Variants in SLCO3A1 observed in about 807,000 individuals in gnomAD.
SLCO3A1 encodes solute carrier organic anion transporter family member 3A1, also known as PGE1 transporter.
Under a neutral mutation model 63.1 loss-of-function variants are expected in SLCO3A1, and 27 were observed. That is an observed-to-expected ratio of 0.43 (90% confidence interval 0.32 to 0.59). The LOEUF (loss-of-function observed/expected upper bound fraction) is 0.59, where lower values mean the gene tolerates loss of function less well. Ranked by LOEUF, SLCO3A1 falls within the 20% of genes least tolerant of loss-of-function variation. SLCO3A1 has a pLI of 0.09. For synonymous variants in SLCO3A1, 473 were observed against 409.9 expected (o/e 1.15, Z -1.86); for missense variants, 773 against 945.8 (o/e 0.82, Z 2.40).
chr15:92,110,551 G>A (rs562529744), intron 4 of SLCO3A1, among the ~76,000 whole-genome samples: 30 of 152,088 alleles, frequency 2.0e-4, no homozygotes, highest in Non-Finnish European at 3.8e-4. Context: ...CTCTGCATTC[G>A]TTCCCTCTAC....
intron 2 of SLCO3A1, among the ~76,000 whole-genome samples, chr15:92,028,609 G>A (rs1410621907): frequency 6.6e-6 from 1 of 152,068 alleles, no homozygotes; most frequent in Admixed American, 6.6e-5. Flanking sequence ...ATCCAATCAG[G>A]ATTTGGGACC....
intron 1 of SLCO3A1, among the ~76,000 whole-genome samples, chr15:91,898,493 G>A (rs1223498301): frequency 6.6e-6 from 1 of 152,156 alleles, no homozygotes; most frequent in African/African-American, 2.4e-5. Flanking sequence ...CTGGCCTCCA[G>A]AGCAATTTGA....
chr15:92,017,083 T>G (rs547327482), intron 2 of SLCO3A1, among the ~76,000 whole-genome samples: 1 of 152,194 alleles, frequency 6.6e-6, no homozygotes, highest in Non-Finnish European at 1.5e-5. Context: ...ACTCCAAGGT[T>G]AAGAGGCACC....
intron 2 of SLCO3A1, among the ~76,000 whole-genome samples, chr15:91,939,690 C>A (rs1170522767): frequency 6.6e-6 from 1 of 152,110 alleles, no homozygotes; most frequent in South Asian, 2.1e-4. Context: ...CTGCAGCATT[C>A]CAGTCATAGC....
intron 3 of SLCO3A1, among the ~76,000 whole-genome samples, chr15:92,100,816 G>A (rs2047596613): frequency 6.6e-6 from 1 of 152,152 alleles, no homozygotes; most frequent in Non-Finnish European, 1.5e-5. Context: ...TTTCTTCTTT[G>A]TGCTACATCC....
intron 1 of SLCO3A1, among the ~76,000 whole-genome samples, chr15:91,867,507 C>CTT (rs34607768): frequency 6.3e-5 from 9 of 143,254 alleles, no homozygotes; most frequent in African/African-American, 1.8e-4. Context: ...TTATATTTGA[C>CTT]TTTTTTTTTT....
At chr15:91,951,578 C>T (rs1318425044) in intron 2 of SLCO3A1, among the ~76,000 whole-genome samples, 2 of 139,268 alleles carry the variant, frequency 1.4e-5, no homozygotes, top group Non-Finnish European at 3.0e-5. Flanking sequence ...TTTTTTGAGA[C>T]AGAGTCTCAC....
chr15:92,053,486 G>A (rs755086767), intron 2 of SLCO3A1, among the ~76,000 whole-genome samples: 12 of 151,916 alleles, frequency 7.9e-5, no homozygotes, highest in Non-Finnish European at 4.4e-5. Flanking sequence ...GTAGTTTTTC[G>A]CTAATATCAT....
rs577873643 is a variant in SLCO3A1, at chr15:92,164,590, C to A, written c.*1455C>A. ...AGGAAAGAAGAACAGTTCCCTAACACAAGCTGTTAAGAAGTCTGTAGCATC... is the reference window on the plus strand; with the variant it reads ...AGGAAAGAAGAACAGTTCCCTAACAAAAGCTGTTAAGAAGTCTGTAGCATC... On this transcript the variant is annotated 3_prime_UTR_variant, in exon 10 of 10. Coordinates refer to ENST00000318445, the MANE Select transcript of SLCO3A1 (RefSeq NM_013272.4). 5.2e-4 allele frequency: 503 copies of A among 958,652 alleles called. 2 individuals are homozygous for A. The African/African-American group carries it at 9.4e-3, about 18-fold the overall frequency. The allele number at this position is 958,652 out of a possible 1,614,324, so 59.4% of individuals were successfully genotyped here.
intron 3 of SLCO3A1, among the ~76,000 whole-genome samples, chr15:92,101,925 T>C (rs370642231): frequency 6.6e-6 from 1 of 152,140 alleles, no homozygotes; most frequent in East Asian, 1.9e-4. Context: ...AGGAAGCAAG[T>C]TGACACGTTC....
chr15:91,959,622 G>C (rs1900363106), intron 2 of SLCO3A1, among the ~76,000 whole-genome samples: 1 of 149,730 alleles, frequency 6.7e-6, no homozygotes, highest in Middle Eastern at 3.4e-3. Context: ...ATCCCAGGAA[G>C]CTGAGGCAGG....
intron 7 of SLCO3A1, among the ~76,000 whole-genome samples, chr15:92,146,532 G>A (rs1361783706): frequency 1.3e-5 from 2 of 152,068 alleles, no homozygotes; most frequent in African/African-American, 4.8e-5. Context: ...TGCCGTGTTG[G>A]GCACTCCACC....
At chr15:91,892,260 C>G (rs1023376817) in intron 1 of SLCO3A1, among the ~76,000 whole-genome samples, 1 of 152,214 alleles carries the variant, frequency 6.6e-6, no homozygotes, top group African/African-American at 2.4e-5. Flanking sequence ...GAGGCCCACT[C>G]TGTCCCCACT....
At chr15:91,973,152 C>T (rs1330012619) in intron 2 of SLCO3A1, among the ~76,000 whole-genome samples, 1 of 152,178 alleles carries the variant, frequency 6.6e-6, no homozygotes, top group Admixed American at 6.5e-5. Flanking sequence ...TGCCCTGGGG[C>T]AGGGGAACTG....
chr15:91,880,399 C>CTGTGTGTGTGTGTGTGTGTGTGTG (rs1158728794), intron 1 of SLCO3A1, among the ~76,000 whole-genome samples: 7 of 114,482 alleles, frequency 6.1e-5, no homozygotes, highest in African/African-American at 2.3e-4. Flanking sequence ...CTCTCTCTCT[C>CTGTGTGTGTGTGTGTGTGTGTGTG]TCTCTCTCTC....
intron 2 of SLCO3A1, among the ~76,000 whole-genome samples, chr15:92,087,065 T>G (rs1596087685): frequency 1.3e-5 from 2 of 152,168 alleles, no homozygotes; most frequent in African/African-American, 4.8e-5. Flanking sequence ...GCTTTTATGT[T>G]TTCCTTTTCA....
intron 2 of SLCO3A1, among the ~76,000 whole-genome samples, chr15:91,969,657 C>G (rs966480822): frequency 6.6e-6 from 1 of 152,158 alleles, no homozygotes; most frequent in Admixed American, 6.5e-5. Context: ...CCAAAATCTC[C>G]TTTTACTTCA....
rs546030742 is a variant in SLCO3A1 at position 92,101,612 on chromosome 15, A to G, written c.746-2667A>G. On this transcript the variant is annotated intron_variant, in intron 3 of 9. Coordinates refer to ENST00000318445, the MANE Select transcript of SLCO3A1 (RefSeq NM_013272.4). ...GTCTTCCCCAGATCAAACTCACCAA[A>G]GCCTCCCCCGCCCTCAGGGCAGCAC... Among the ~76,000 whole-genome samples the G allele has an allele frequency of 2.0e-5, 3 of 152,224 alleles. No homozygotes were observed. The South Asian group carries it at 6.2e-4, about 32-fold the overall frequency.
chr15:92,084,180 C>T (rs538474947), intron 2 of SLCO3A1, among the ~76,000 whole-genome samples: 11 of 152,266 alleles, frequency 7.2e-5, no homozygotes, highest in South Asian at 2.1e-4. Flanking sequence ...AATATGAGAA[C>T]GATGCTAATC....
Sources: allele counts gnomAD v4.1 joint callset (sites outside exome capture counted in the v4.1 genomes callset), GRCh38; gene constraint gnomAD v4.1.1; transcripts MANE v1.5; gene names NCBI Gene and HGNC (gene_info 2026-07-23, HGNC 2026-07-21).